The following FSTL5 variants were observed in gnomAD, a reference collection of about 807,000 sequenced individuals.
The protein encoded by FSTL5 is follistatin like 5, also known as follistatin-related protein 5.
Under a neutral mutation model 89.1 loss-of-function variants are expected in FSTL5, and 62 were observed. The observed-to-expected ratio is 0.70, with a 90% CI of 0.57 to 0.86. The LOEUF is 0.86. FSTL5 is among the 40% of genes least tolerant of loss of function. The probability of loss-of-function intolerance (pLI) is 0.00; values close to 1 mark genes in which losing one functional copy is unlikely to be tolerated. For synonymous variants in FSTL5, 383 were observed against 346.2 expected (o/e 1.11, Z -1.18); for missense variants, 1,057 against 1,001.6 (o/e 1.06, Z -0.75).
chr4:161,913,621 A>G (rs1008654183), intron 4 of FSTL5, among the ~76,000 whole-genome samples: 3 of 152,174 alleles, frequency 2.0e-5, no homozygotes, highest in Non-Finnish European at 4.4e-5. Context: ...CCAGCCATGA[A>G]AGCAGCCAGG....
At chr4:161,799,338 ATAT>A (rs1349073857) in intron 4 of FSTL5, among the ~76,000 whole-genome samples, 1 of 151,726 alleles carries the variant, frequency 6.6e-6, no homozygotes, top group Non-Finnish European at 1.5e-5. Flanking sequence ...ATCCAATAAA[ATAT>A]TAATATTTTA....
intron 7 of FSTL5, among the ~76,000 whole-genome samples, chr4:161,600,028 T>A (rs1734168649): frequency 6.6e-6 from 1 of 152,092 alleles, no homozygotes; most frequent in South Asian, 2.1e-4. Flanking sequence ...AACTTCCCTA[T>A]GAAGGTTACT....
At chr4:161,446,918 A>T (rs553708858) in intron 15 of FSTL5, among the ~76,000 whole-genome samples, 1 of 152,118 alleles carries the variant, frequency 6.6e-6, no homozygotes, top group South Asian at 2.1e-4. Context: ...GTGATTTACC[A>T]TTATCAGCAA....
rs564776547 is a variant in FSTL5 at position 161,651,544 on chromosome 4, G to C, written c.894+4784C>G. Among the ~76,000 whole-genome samples the C allele has an allele frequency of 6.6e-5, 10 of 152,180 alleles. No individual in the cohort carries two copies. The East Asian group carries it at 1.7e-3, about 26-fold the overall frequency. On this transcript the variant is annotated intron_variant, in intron 7 of 15. Coordinates refer to ENST00000306100, the MANE Select transcript of FSTL5 (RefSeq NM_020116.5). ...GAAGAGAAGAAAGGGGAAGGGAGGG[G>C]AAGAAAGGGAAAGAAAGAGAAGAGA...
intron 1 of FSTL5, among the ~76,000 whole-genome samples, chr4:162,118,928 T>C (rs778017649): frequency 1.3e-4 from 20 of 152,168 alleles, no homozygotes; most frequent in Non-Finnish European, 2.2e-4. Context: ...AGGCTGACTA[T>C]AATAAAATCT....
chr4:161,897,024 C>T (rs1228338973), intron 4 of FSTL5, among the ~76,000 whole-genome samples: 1 of 151,970 alleles, frequency 6.6e-6, no homozygotes, highest in Non-Finnish European at 1.5e-5. Context: ...CCTCCGCCTC[C>T]TGGGCGGAGA....
At chr4:162,039,153 GCT>G (rs1188690455) in intron 2 of FSTL5, among the ~76,000 whole-genome samples, 11 of 151,666 alleles carry the variant, frequency 7.3e-5, no homozygotes, top group Admixed American at 7.2e-4. Flanking sequence ...TTAAACTGAT[GCT>G]CTCTGACTCT....
intron 7 of FSTL5, among the ~76,000 whole-genome samples, chr4:161,637,226 T>C: frequency 1.4e-5 from 1 of 69,724 alleles, no homozygotes; most frequent in Admixed American, 1.7e-4. Context: ...ATGATGAGCA[T>C]TTTTTCATGT....
At position 161,816,186 on chromosome 4, in the gene FSTL5, C is replaced by T. The variant is rs573349857; in HGVS notation, c.410-40112G>A. 4.7e-4 allele frequency among the ~76,000 whole-genome samples: 71 copies of T among 152,140 alleles called. No individual in the cohort carries two copies. The South Asian group carries it at 0.014, about 29-fold the overall frequency. On this transcript the variant is annotated intron_variant, in intron 4 of 15. Coordinates refer to ENST00000306100, the MANE Select transcript of FSTL5 (RefSeq NM_020116.5). ...AATAAACTGAGGTAATACCATACCA[C>T]GTGGCTGTCACTCACTTCTACACAG...
chr4:161,517,806 G>A (rs1730892555), intron 10 of FSTL5, among the ~76,000 whole-genome samples: 1 of 151,960 alleles, frequency 6.6e-6, no homozygotes, highest in Non-Finnish European at 1.5e-5. Context: ...TTGATAAAAT[G>A]AACTTATATA....
intron 7 of FSTL5, among the ~76,000 whole-genome samples, chr4:161,608,581 C>T (rs1468441998): frequency 6.6e-6 from 1 of 151,596 alleles, no homozygotes; most frequent in African/African-American, 2.4e-5. Context: ...CTACACATTT[C>T]TAAAATTACA....
rs1356448855 is a variant in FSTL5, at chr4:161,500,143, T to G, written c.1340-9A>C. The G allele has an allele frequency of 4.1e-6, 6 of 1,471,668 alleles. No homozygotes were observed. Among genetic ancestry groups the G allele is most frequent in the Admixed American group, 1.8e-5 (1 of 55,462 alleles). 91.2% of individuals were successfully genotyped at this position (1,471,668 alleles called of 1,614,324 possible). A position where few individuals can be genotyped will look rare whatever the true frequency, so the allele number is the denominator to read the frequency against. ...GTTCCCAATTCCCAGACCTTAGGAA[T>G]AAAAACACATTTAAATGTTCAAAAT... On this transcript the variant is annotated splice_polypyrimidine_tract_variant and intron_variant, in intron 11 of 15. Transcript: ENST00000306100.
At chr4:161,474,344 A>C (rs1025625573) in intron 13 of FSTL5, among the ~76,000 whole-genome samples, 1 of 152,188 alleles carries the variant, frequency 6.6e-6, no homozygotes, top group Non-Finnish European at 1.5e-5. Flanking sequence ...GTAGAAAACA[A>C]AAAGGGTTTT....
intron 5 of FSTL5, 105 bp from the exon 6 acceptor site, chr4:161,759,636 A>C (rs1205214179): frequency 1.4e-6 from 1 of 693,940 alleles, no homozygotes; most frequent in Non-Finnish European, 2.1e-6. Context: ...TCATGTCTGC[A>C]GCAGGGCAAA....
chr4:162,046,843 TC>T (rs1738200768), intron 2 of FSTL5, among the ~76,000 whole-genome samples: 1 of 152,186 alleles, frequency 6.6e-6, no homozygotes, highest in Admixed American at 6.5e-5. Context: ...AATATGTTTA[TC>T]CCTTAATAGA....
chr4:161,967,254 T>C (rs1209895565), intron 3 of FSTL5, among the ~76,000 whole-genome samples: 3 of 152,082 alleles, frequency 2.0e-5, no homozygotes, highest in Non-Finnish European at 2.9e-5. Context: ...CTGTTGAGTA[T>C]TGTTGAGAAA....
intron 2 of FSTL5, among the ~76,000 whole-genome samples, chr4:162,060,300 C>T (rs977870427): frequency 2.0e-5 from 3 of 152,000 alleles, no homozygotes; most frequent in Non-Finnish European, 4.4e-5. Context: ...ATCAGTGACT[C>T]AGTCGGTGAA....
At chr4:161,674,797 G>T (rs969930288) in intron 6 of FSTL5, among the ~76,000 whole-genome samples, 1 of 152,166 alleles carries the variant, frequency 6.6e-6, no homozygotes, top group African/African-American at 2.4e-5. Flanking sequence ...AAATGAAGAA[G>T]ATGCTTTTCA....
At chr4:161,853,911 T>C (rs1326410993) in intron 4 of FSTL5, among the ~76,000 whole-genome samples, 1 of 152,170 alleles carries the variant, frequency 6.6e-6, no homozygotes, top group Non-Finnish European at 1.5e-5. Context: ...GATATGGCTT[T>C]TAGACTCACT....
Sources: allele counts gnomAD v4.1 joint callset (sites outside exome capture counted in the v4.1 genomes callset), GRCh38; gene constraint gnomAD v4.1.1; transcripts MANE v1.5; gene names NCBI Gene and HGNC (gene_info 2026-07-23, HGNC 2026-07-21).